Variants in CCDC3 observed in about 807,000 individuals in gnomAD.
CCDC3 encodes coiled-coil domain containing 3.
In CCDC3, 24 loss-of-function variants were observed where a neutral mutation model predicts 21.4. That is an observed-to-expected ratio of 1.12 (90% CI 0.81 to 1.58). CCDC3 has a LOEUF of 1.58. Among genes scored for constraint, CCDC3 ranks in the 40% most tolerant of loss-of-function variants. The probability of loss-of-function intolerance (pLI) is 0.00; values close to 1 mark genes in which losing one functional copy is unlikely to be tolerated. For missense variants in CCDC3, 425 were observed against 360.9 expected (o/e 1.18, Z -1.44); for synonymous variants, 186 against 166.0 (o/e 1.12, Z -0.93).
intron 3 of CCDC3, among the ~76,000 whole-genome samples, chr10:13,079,074 C>T (rs181706008): frequency 8.9e-4 from 135 of 152,258 alleles, no homozygotes; most frequent in Middle Eastern, 3.4e-3. Context: ...ATTCCATCTG[C>T]GAGGAGCACC....
At chr10:13,078,967 A>G (rs1836999712) in intron 3 of CCDC3, among the ~76,000 whole-genome samples, 1 of 152,164 alleles carries the variant, frequency 6.6e-6, no homozygotes, top group Admixed American at 6.5e-5. Context: ...ATATATAACT[A>G]ATCTGCACAT....
intron 2 of CCDC3, among the ~76,000 whole-genome samples, chr10:12,902,672 TAAAAATCGTG>T (rs1834112906): frequency 6.6e-6 from 1 of 152,146 alleles, no homozygotes; most frequent in Admixed American, 6.5e-5. Flanking sequence ...AAGCTGCGTT[TAAAAATCGTG>T]AAAAATAGAG....
chr10:13,040,801 C>T (rs1377745135), intron 5 of CCDC3, among the ~76,000 whole-genome samples: 1 of 151,962 alleles, frequency 6.6e-6, no homozygotes, highest in Non-Finnish European at 1.5e-5. Context: ...CACCTGCATA[C>T]CCAAACTTTC....
chr10:12,976,514 T>C (rs986042108), intron 2 of CCDC3, among the ~76,000 whole-genome samples: 16 of 152,178 alleles, frequency 1.1e-4, no homozygotes, highest in Admixed American at 9.2e-4. Context: ...AGCTGAATCA[T>C]CAAGGTGAGA....
chr10:13,096,025 G>A (rs1203936170), intron 3 of CCDC3, among the ~76,000 whole-genome samples: 1 of 151,948 alleles, frequency 6.6e-6, no homozygotes, highest in African/African-American at 2.4e-5. Context: ...TGTAGTCTTT[G>A]GCATCTGGGG....
intron 4 of CCDC3, among the ~76,000 whole-genome samples, chr10:13,063,967 C>A (rs1836793553): frequency 6.6e-6 from 1 of 150,648 alleles, no homozygotes. Context: ...CTCGCTCTGT[C>A]GTCACGCTGG....
At chr10:12,939,821 C>A (rs532223597) in intron 2 of CCDC3, among the ~76,000 whole-genome samples, 19 of 152,258 alleles carry the variant, frequency 1.2e-4, no homozygotes, top group African/African-American at 4.3e-4. Flanking sequence ...GTCAGAGTAA[C>A]AACAACAACG....
At chr10:13,027,082 C>T (rs1351501995) in intron 5 of CCDC3, among the ~76,000 whole-genome samples, 1 of 152,200 alleles carries the variant, frequency 6.6e-6, no homozygotes, top group Non-Finnish European at 1.5e-5. Flanking sequence ...ACCTGTCAAC[C>T]TTGCTTTAGT....
At chr10:12,902,732 T>C (rs1173973589) in intron 2 of CCDC3, among the ~76,000 whole-genome samples, 1 of 152,200 alleles carries the variant, frequency 6.6e-6, no homozygotes, top group Non-Finnish European at 1.5e-5. Context: ...TTAAGAGTTC[T>C]TTCTAAGACA....
At chr10:13,078,150 A>G (rs1836988479) in intron 3 of CCDC3, among the ~76,000 whole-genome samples, 1 of 152,244 alleles carries the variant, frequency 6.6e-6, no homozygotes, top group Admixed American at 6.5e-5. Flanking sequence ...AAAGAACTTA[A>G]ACAAATTTAT....
In CCDC3 at chr10:12,939,253, C is replaced by T. The variant is rs547113029; in HGVS notation, c.550-40574G>A. ...CTTCTGAGTAAGGTAAATTCCTACT[C>T]CCGTGTTCCAACTTCTGTCCAGTCC... On this transcript the variant is annotated intron_variant, in intron 2 of 2. Coordinates refer to ENST00000378825, the MANE Select transcript of CCDC3 (RefSeq NM_031455.4). Among the ~76,000 whole-genome samples, 93 of 152,336 alleles carry T rather than the reference C, an allele frequency of 6.1e-4. 1 individual carries two copies. The highest frequency in any genetic ancestry group is 2.1e-3 in the African/African-American group (88 of 41,576).
intron 3 of CCDC3, among the ~76,000 whole-genome samples, chr10:13,096,147 C>T (rs1832626695): frequency 6.8e-6 from 1 of 148,056 alleles, no homozygotes; most frequent in Non-Finnish European, 1.5e-5. Flanking sequence ...CTCTCTACTT[C>T]CTTCCTTCCC....
rs774311678 is a variant in CCDC3, at chr10:12,898,591, C to T, written c.638G>A (p.Arg213His). 3.7e-6 allele frequency: 6 copies of T among 1,614,218 alleles called. No homozygotes were observed. In the East Asian group the frequency reaches 6.7e-5, roughly 18 times the overall value. ...LQQKVATLEKRNRQLRERVKK... is the reference protein window; with the variant it reads ...LQQKVATLEKHNRQLRERVKK... ...CACTCGCTCCCGGAGCTGCCGGTTG[C>T]GCTTCTCCAGGGTGGCCACTTTCTG... The change falls in exon 3 of 3, where the codon CGC becomes CAC. Residue 213 changes from arginine to histidine, a missense_variant. Coordinates refer to ENST00000378825, the MANE Select transcript of CCDC3 (RefSeq NM_031455.4).
chr10:13,005,732 C>G (rs1462855707), upstream of CCDC3, among the ~76,000 whole-genome samples: 1 of 152,144 alleles, frequency 6.6e-6, no homozygotes. Context: ...GATAATAAGG[C>G]TCAAGTGATA....
intron 4 of CCDC3, among the ~76,000 whole-genome samples, chr10:13,054,431 C>A (rs1197196211): frequency 2.0e-5 from 3 of 152,096 alleles, no homozygotes; most frequent in Non-Finnish European, 2.9e-5. Flanking sequence ...CACTCAGTAG[C>A]AATTCCAAAA....
intron 3 of CCDC3, among the ~76,000 whole-genome samples, chr10:13,088,296 A>C (rs1168355883): frequency 6.6e-6 from 1 of 152,214 alleles, no homozygotes; most frequent in East Asian, 1.9e-4. Context: ...ATAAAAAAAA[A>C]TTAACATGCT....
At chr10:13,033,146 T>TAG (rs1836328055) in intron 5 of CCDC3, among the ~76,000 whole-genome samples, 1 of 152,102 alleles carries the variant, frequency 6.6e-6, no homozygotes, top group Admixed American at 6.5e-5. Context: ...AACAGAGATA[T>TAG]AGACCAATGG....
At chr10:12,972,509 C>T (rs181692393) in intron 2 of CCDC3, among the ~76,000 whole-genome samples, 3 of 152,246 alleles carry the variant, frequency 2.0e-5, no homozygotes, top group Admixed American at 2.0e-4. Flanking sequence ...AGTCATATTC[C>T]AGAAGCTTTT....
At chr10:12,917,196 T>C (rs1225952261) in intron 2 of CCDC3, among the ~76,000 whole-genome samples, 2 of 128,072 alleles carry the variant, frequency 1.6e-5, no homozygotes, top group East Asian at 2.3e-4. Flanking sequence ...TTTTTTTTTT[T>C]TTTTTTTTTT....
Sources: allele counts gnomAD v4.1 joint callset (sites outside exome capture counted in the v4.1 genomes callset), GRCh38; gene constraint gnomAD v4.1.1; transcripts MANE v1.5; gene names NCBI Gene and HGNC (gene_info 2026-07-23, HGNC 2026-07-21).